Variants in SLC12A5 observed in about 807,000 individuals in gnomAD.
The protein encoded by SLC12A5 is solute carrier family 12 member 5.
Under a neutral mutation model 124.0 loss-of-function variants are expected in SLC12A5, and 18 were observed. That is an observed-to-expected ratio of 0.15 (90% CI 0.10 to 0.22). The LOEUF (loss-of-function observed/expected upper bound fraction) is 0.22. Ranked by LOEUF, SLC12A5 falls within the 10% of genes least tolerant of loss-of-function variation. SLC12A5 has a pLI of 1.00. For missense variants in SLC12A5, 867 were observed against 1,478.7 expected (o/e 0.59, Z 6.78); for synonymous variants, 589 against 568.0 (o/e 1.04, Z -0.53).
chr20:46,049,283 C>T (rs776230180), intron 16 of SLC12A5, among the ~76,000 whole-genome samples: 43 of 151,962 alleles, frequency 2.8e-4, no homozygotes, highest in Non-Finnish European at 5.3e-4. Flanking sequence ...TACACGTGGG[C>T]GGGCAAAAGC....
intron 1 of SLC12A5, chr20:46,021,986 G>A (rs1304161446): frequency 7.6e-7 from 1 of 1,310,654 alleles, no homozygotes; most frequent in Non-Finnish European, 9.9e-7. Flanking sequence ...AAGACCGGGG[G>A]CGGGGAGGGG....
intron 1 of SLC12A5, among the ~76,000 whole-genome samples, chr20:46,031,562 G>A (rs1448937873): frequency 6.6e-6 from 1 of 152,194 alleles, no homozygotes; most frequent in Non-Finnish European, 1.5e-5. Context: ...CGAGCAAGAG[G>A]GCACTTCTGG....
chr20:46,054,978 G>A lies in SLC12A5; in HGVS notation c.2742G>A (p.Gln914=). ...EKTLVMEQRS[Q]ILKQMHLTKN... is the part of the protein sequence containing the mutation. ...CGTTGGTGATGGAGCAGCGTTCCCA[G>A]ATCCTCAAACAGATGCATTTAACCA... The change falls in exon 21 of 26, where the codon CAG becomes CAA. Residue 914 remains glutamine (Q), a synonymous_variant. Transcript: ENST00000243964. 6.2e-7 allele frequency: 1 copy of A among 1,614,060 alleles called. No individual in the cohort carries two copies.
At chr20:46,049,089 T>C (rs548509550) in intron 16 of SLC12A5, among the ~76,000 whole-genome samples, 1 of 152,282 alleles carries the variant, frequency 6.6e-6, no homozygotes, top group East Asian at 1.9e-4. Context: ...TTGACTAAAC[T>C]GGGCTCCCAG....
At chr20:46,022,962 G>GGAGGAGGAGGAA in exon 2 of SLC12A5, 2 of 398,214 alleles carry the variant, frequency 5.0e-6, no homozygotes, top group East Asian at 3.8e-5. Flanking sequence ...AGGAGGAGGA[G>GGAGGAGGAGGAA]GAGGAGGAGG....
At chr20:46,047,325 C>G in intron 14 of SLC12A5, 129 bp from the exon 15 acceptor site, 1 of 1,217,348 alleles carries the variant, frequency 8.2e-7, no homozygotes, top group Non-Finnish European at 1.1e-6. Context: ...GGTGTGAGTT[C>G]CCCTAGACCG....
intron 13 of SLC12A5, 41 bp from the exon 14 acceptor site, chr20:46,046,297 C>G (rs2084594923): frequency 6.4e-7 from 1 of 1,562,110 alleles, no homozygotes; most frequent in Admixed American, 1.7e-5. Context: ...TTCTGCCTCC[C>G]TTTGCATCTC....
intron 8 of SLC12A5, 99 bp downstream of exon 8, chr20:46,041,639 C>T (rs771580365): frequency 7.8e-7 from 1 of 1,283,904 alleles, no homozygotes; most frequent in African/African-American, 1.5e-5. Context: ...CAGCTAAATT[C>T]AATCAGCTTT....
intron 13 of SLC12A5, 145 bp downstream of exon 13, chr20:46,046,141 T>G (rs1455032194): frequency 9.4e-5 from 84 of 890,152 alleles, no homozygotes; most frequent in South Asian, 7.7e-4. Flanking sequence ...TCGTTTGTTA[T>G]AGAGAGATTC....
chr20:46,037,657 C>T (rs1299778808), intron 6 of SLC12A5, among the ~76,000 whole-genome samples: 1 of 152,178 alleles, frequency 6.6e-6, no homozygotes, highest in Non-Finnish European at 1.5e-5. Flanking sequence ...TCTCTTGTAT[C>T]CTTACGAGGT....
At position 46,038,690 on chromosome 20, in the gene SLC12A5, C is replaced by G. The variant is rs190682826; in HGVS notation, c.612+1305C>G. 1.6e-3 allele frequency among the ~76,000 whole-genome samples: 248 copies of G among 152,294 alleles called. 1 individual carries two copies. Among genetic ancestry groups the G allele is most frequent in the Middle Eastern group, 6.8e-3 (2 of 294 alleles). ...TTAACATATGGTAGGTCCAGACTCA[C>G]AAAAAATGAGATTACATGTCACAAA... On this transcript the variant is annotated intron_variant, in intron 6 of 25. Coordinates refer to ENST00000243964, the MANE Select transcript of SLC12A5 (RefSeq NM_020708.5).
At chr20:46,034,740 A>T (rs2084482045) in intron 1 of SLC12A5, among the ~76,000 whole-genome samples, 1 of 152,240 alleles carries the variant, frequency 6.6e-6, no homozygotes, top group South Asian at 2.1e-4. Context: ...GCACTCACAC[A>T]TCTGTTAATA....
chr20:46,041,579 G>T, intron 8 of SLC12A5, 39 bp downstream of exon 8: 1 of 1,606,692 alleles, frequency 6.2e-7, no homozygotes, highest in South Asian at 1.1e-5. Context: ...AGGGAACGCT[G>T]CAGGGATTGT....
Position 46,045,971 on chromosome 20 carries a change from G to C in SLC12A5, c.1663G>C (p.Asp555His). ...GATTGGCATCCTCATTGCATCCCTC[G>C]ACGAGGTGGCCCCCATCCTCTCTAT... Reference protein sequence around the residue: ...CEIGILIASLDEVAPILSMFF... With the variant: ...CEIGILIASLHEVAPILSMFF... Residue 555 changes from aspartate (D) to histidine (H), a missense_variant, in exon 13 of 26, where the codon GAC becomes CAC. By Grantham distance (81) the Asp-to-His change is moderately conservative (BLOSUM62 -1). This residue lies in a region of SLC12A5 where 152 missense variants were observed against 358.7 expected (regional missense o/e 0.42). Coordinates refer to ENST00000243964, the MANE Select transcript of SLC12A5 (RefSeq NM_020708.5). This position sits in a 1 kb window ranked among gnomAD's most constrained non-coding sequence, Gnocchi z 4.9. 1 of 1,614,080 alleles carries C rather than the reference G, an allele frequency of 6.2e-7. No individual in the cohort carries two copies. Among genetic ancestry groups the C allele is most frequent in the Non-Finnish European group, 8.5e-7 (1 of 1,180,010 alleles).
intron 18 of SLC12A5, 123 bp from the exon 19 acceptor site, chr20:46,052,834 T>C (rs1237745588): frequency 1.8e-6 from 2 of 1,083,864 alleles, no homozygotes; most frequent in African/African-American, 1.6e-5. Flanking sequence ...ACTCAGCCCA[T>C]GGCCAAGGCC....
chr20:46,040,726 G>T, intron 7 of SLC12A5, 112 bp downstream of exon 7: 1 of 1,494,182 alleles, frequency 6.7e-7, no homozygotes, highest in South Asian at 1.3e-5. Context: ...GAGTGGTGTG[G>T]GTTGGGAGTA....
Position 46,035,033 on chromosome 20 carries a change from C to T in SLC12A5, c.138C>T (p.Ala46=), listed in dbSNP as rs2084484787. ...AGGAGTATGATGGCAAGAACATGGC[C>T]TTGTTTGAGGTGGGCTGCTAGGGCT... ...KGKEYDGKNM[A]LFEEEMDTSP... is the part of the protein sequence containing the mutation. The change falls in exon 2 of 26, where the codon GCC becomes GCT. Residue 46 remains alanine (A), a synonymous_variant. Transcript: ENST00000243964. The T allele has an allele frequency of 1.9e-6, 3 of 1,613,942 alleles. No homozygotes were observed. Among genetic ancestry groups the T allele is most frequent in the South Asian group, 1.1e-5 (1 of 91,066 alleles).
chr20:46,025,946 A>G (rs1313701120), upstream of SLC12A5, among the ~76,000 whole-genome samples: 1 of 152,098 alleles, frequency 6.6e-6, no homozygotes, highest in African/African-American at 2.4e-5. Flanking sequence ...GAGGAATGCT[A>G]TGCCTGCCTC....
exon 2 of SLC12A5, chr20:46,023,003 A>G: frequency 2.5e-6 from 1 of 403,466 alleles, no homozygotes; most frequent in Non-Finnish European, 4.3e-6. Flanking sequence ...GAGGAGGAGG[A>G]AGAGGAGGAG....
Sources: allele counts gnomAD v4.1 joint callset (sites outside exome capture counted in the v4.1 genomes callset), GRCh38; gene constraint gnomAD v4.1.1; regional missense constraint gnomAD v4.1.1; non-coding constraint Gnocchi (gnomAD v3.1); transcripts MANE v1.5; gene names NCBI Gene and HGNC (gene_info 2026-07-23, HGNC 2026-07-21).